TMEM8B: variants seen among roughly 807,000 people sequenced by gnomAD.
The protein encoded by TMEM8B is transmembrane protein 8B.
A neutral mutation model predicts 49.3 loss-of-function variants in TMEM8B; 29 were observed. That is an observed-to-expected ratio of 0.59 (90% CI 0.44 to 0.80). The LOEUF (loss-of-function observed/expected upper bound fraction) is 0.80, where lower values mean the gene tolerates loss of function less well. Among genes scored for constraint, TMEM8B ranks in the 30% least tolerant of loss-of-function variants. TMEM8B has a pLI of 0.00. For missense variants in TMEM8B, 575 were observed against 658.5 expected (o/e 0.87, Z 1.39); for synonymous variants, 264 against 272.8 (o/e 0.97, Z 0.32).
chr9:35,842,326 T>G lies in TMEM8B; in HGVS notation c.1310-66T>G. 1 of 1,215,514 alleles carries G rather than the reference T, an allele frequency of 8.2e-7. No individual in the cohort carries two copies. Among genetic ancestry groups the G allele is most frequent in the Non-Finnish European group, 1.1e-6 (1 of 894,506 alleles). 75.3% of individuals were successfully genotyped at this position (1,215,514 alleles called of 1,614,324 possible). A position where few individuals can be genotyped will look rare whatever the true frequency, so the allele number is the denominator to read the frequency against. On this transcript the variant is annotated intron_variant, in intron 5 of 12. Coordinates refer to ENST00000643932, the MANE Select transcript of TMEM8B (RefSeq NM_001042590.4). This position sits in a 1 kb window ranked among gnomAD's most constrained non-coding sequence, Gnocchi z 5.6. The stretch of plus-strand genomic sequence containing the variant: ...TGCGAAATCCTGTCTAGCTCAGATG[T>G]GTTTATGAGTAAGTTCAGGACTGTA...
chr9:35,859,464 TTGA>T lies in TMEM8B; in HGVS notation c.*5628_*5630del, dbSNP rs1832612246. ...CACTGCCAAGATCTCATAGAAGTAG[TTGA>T]TGACGTGGCCACAGAAGGGGAGGTG... is the stretch of plus-strand genomic sequence containing the variant. On this transcript the variant is annotated 3_prime_UTR_variant, in exon 13 of 13. Transcript: ENST00000643932. 6.5e-6 allele frequency: 1 copy of T among 153,400 alleles called. No homozygotes were observed. Among genetic ancestry groups the T allele is most frequent in the African/African-American group, 2.4e-5 (1 of 41,452 alleles). 9.5% of individuals were successfully genotyped at this position (153,400 alleles called of 1,614,324 possible). A position where few individuals can be genotyped will look rare whatever the true frequency, so the allele number is the denominator to read the frequency against.
At chr9:35,840,862 C>G (rs1270446034) in intron 3 of TMEM8B, among the ~76,000 whole-genome samples, 2 of 152,108 alleles carry the variant, frequency 1.3e-5, no homozygotes, top group Non-Finnish European at 2.9e-5. Context: ...CAAGCCAGGC[C>G]TGATTGTCAG....
At position 35,859,426 on chromosome 9, in the gene TMEM8B, A is replaced by G. The variant is rs916810002; in HGVS notation, c.*5586A>G. The G allele has an allele frequency of 3.3e-5, 5 of 153,098 alleles. No homozygotes were observed. The highest frequency in any genetic ancestry group is 6.5e-5 in the Admixed American group (1 of 15,284). 9.5% of individuals were successfully genotyped at this position (153,098 alleles called of 1,614,324 possible). On this transcript the variant is annotated 3_prime_UTR_variant, in exon 13 of 13. Transcript: ENST00000643932. ...AGCGCATTGAGGGAGATGTCCCCAC[A>G]GGCCAGTTTTAGCACTGCCAAGATC... is the stretch of plus-strand genomic sequence containing the variant.
In TMEM8B at chr9:35,860,653, CCATT is replaced by C. The variant is rs66822942; in HGVS notation, c.*6818_*6821del. 123,398 of 151,722 alleles carry C rather than the reference CCATT, an allele frequency of 0.81. 51,823 individuals carry two copies. Among genetic ancestry groups the C allele is most frequent in the Middle Eastern group, 0.94 (275 of 292 alleles). 9.4% of individuals were successfully genotyped at this position (151,722 alleles called of 1,614,324 possible). On this transcript the variant is annotated 3_prime_UTR_variant, in exon 13 of 13. Transcript: ENST00000643932. Reference sequence around the variant, plus strand: ...TCATCTCTCCTTAAGGAATCATGGACCATTCATTATTTTGTTTAAAAGGACACAT... The same window carrying C: ...TCATCTCTCCTTAAGGAATCATGGACCATTATTTTGTTTAAAAGGACACAT...
intron 1 of TMEM8B, chr9:35,833,204 G>T: frequency 2.3e-6 from 1 of 433,322 alleles, no homozygotes; most frequent in Non-Finnish European, 3.1e-6. Context: ...TCTCCAGAGA[G>T]GGAGATGATT....
At position 35,839,561 on chromosome 9, in the gene TMEM8B, T is replaced by G. The variant is rs114582726; in HGVS notation, c.907-1573T>G. On this transcript the variant is annotated intron_variant, in intron 3 of 12. Coordinates refer to ENST00000643932, the MANE Select transcript of TMEM8B (RefSeq NM_001042590.4). ...AAGGAGCACGTCTTAACCAAACAGG[T>G]CATGTCCACTGATCTTTCATTGAAT... Among the ~76,000 whole-genome samples the G allele has an allele frequency of 5.1e-3, 780 of 152,286 alleles. 7 individuals carry two copies. The highest frequency in any genetic ancestry group is 0.017 in the African/African-American group (718 of 41,564).
intron 9 of TMEM8B, 25 bp from the exon 10 acceptor site, chr9:35,846,792 C>G: frequency 6.2e-7 from 1 of 1,602,414 alleles, no homozygotes; most frequent in Non-Finnish European, 8.5e-7. Context: ...TGTTCTCTTC[C>G]ATTCTGTGCC....
At chr9:35,835,258 C>T (rs1029370673) in intron 3 of TMEM8B, 40 bp downstream of exon 3, 4 of 414,080 alleles carry the variant, frequency 9.7e-6, no homozygotes, top group African/African-American at 2.1e-5. Context: ...CCAGAACTGC[C>T]CTTCCATCTC....
intron 3 of TMEM8B, among the ~76,000 whole-genome samples, chr9:35,837,462 G>A (rs1468713155): frequency 2.0e-5 from 3 of 152,162 alleles, no homozygotes; most frequent in African/African-American, 7.2e-5. Flanking sequence ...GGAGTAGCAT[G>A]GCCCAAAGTT....
At chr9:35,833,003 A>G (rs1265760051) in intron 1 of TMEM8B, among the ~76,000 whole-genome samples, 1 of 152,056 alleles carries the variant, frequency 6.6e-6, no homozygotes, top group Non-Finnish European at 1.5e-5. Flanking sequence ...GTTGAGACTG[A>G]TCATGTGGTC....
Position 35,846,891 on chromosome 9 carries a change from C to T in TMEM8B, c.2071C>T (p.Leu691Phe). Residue 691 changes from leucine (L) to phenylalanine (F), a missense_variant, in exon 10 of 13, where the codon CTC (leucine) becomes TTC (phenylalanine). By Grantham distance (22) the Leu-to-Phe change is conservative. Transcript: ENST00000643932. ...ATTCCAGCTGCTGTCCACACTCCTG[C>T]TCTGCCTGAGCAACCTCATGTTTCT... Reference protein sequence around the residue: ...YGFQLLSTLLLCLSNLMFLPP... With the variant: ...YGFQLLSTLLFCLSNLMFLPP... The T allele has an allele frequency of 6.2e-7, 1 of 1,614,272 alleles. No individual in the cohort carries two copies. Among genetic ancestry groups the T allele is most frequent in the Non-Finnish European group, 8.5e-7 (1 of 1,180,052 alleles).
rs1171292996 is a variant in TMEM8B, at chr9:35,865,160, G to A, written c.*11320G>A. The A allele has an allele frequency of 1.3e-5, 2 of 152,220 alleles. No individual in the cohort carries two copies. The highest frequency in any genetic ancestry group is 1.9e-4 in the East Asian group (1 of 5,196). 9.4% of individuals were successfully genotyped at this position (152,220 alleles called of 1,614,324 possible). ...ACAGAGAATCTGAATACTGGGTCAC[G>A]TTGCAGTTCTGCGCCTTGGATGCCA... On this transcript the variant is annotated 3_prime_UTR_variant, in exon 13 of 13. Transcript: ENST00000643932.
intron 3 of TMEM8B, among the ~76,000 whole-genome samples, chr9:35,840,734 T>TAA (rs2132288530): frequency 6.6e-6 from 1 of 152,244 alleles, no homozygotes; most frequent in African/African-American, 2.4e-5. Flanking sequence ...CCACTTTGCC[T>TAA]AAAAGAGCCA....
chr9:35,845,748 G>A (rs1227631262), intron 6 of TMEM8B: 1 of 985,428 alleles, frequency 1.0e-6, no homozygotes, highest in Non-Finnish European at 1.2e-6. Flanking sequence ...TCAAAATTGG[G>A]CCTTGCCGTC....
At chr9:35,839,743 C>T (rs1030259294) in intron 3 of TMEM8B, among the ~76,000 whole-genome samples, 2 of 152,104 alleles carry the variant, frequency 1.3e-5, no homozygotes, top group African/African-American at 4.8e-5. Flanking sequence ...GAGGTGGGGT[C>T]AGTGCAGTGA....
Position 35,857,777 on chromosome 9 carries a change from G to A in TMEM8B, c.*3937G>A, listed in dbSNP as rs374914851. The A allele has an allele frequency of 2.0e-5, 3 of 152,256 alleles. No homozygotes were observed. The highest frequency in any genetic ancestry group is 4.8e-5 in the African/African-American group (2 of 41,462). 9.4% of individuals were successfully genotyped at this position (152,256 alleles called of 1,614,324 possible). A position where few individuals can be genotyped will look rare whatever the true frequency, so the allele number is the denominator to read the frequency against. Reference sequence around the variant, plus strand: ...TGCAAAACTGTTACTTCTGCATTTGGTGTTGGGCCTGAAGCTGTTACAGCT... The same window carrying A: ...TGCAAAACTGTTACTTCTGCATTTGATGTTGGGCCTGAAGCTGTTACAGCT... On this transcript the variant is annotated 3_prime_UTR_variant, in exon 13 of 13. Transcript: ENST00000643932.
intron 6 of TMEM8B, among the ~76,000 whole-genome samples, chr9:35,844,768 GCC>G (rs1831356341): frequency 1.3e-5 from 2 of 152,160 alleles, no homozygotes; most frequent in African/African-American, 4.8e-5. Flanking sequence ...CCCTCCTGCA[GCC>G]CCTCACCCTT....
At chr9:35,851,218 C>T (rs1232152245) in intron 10 of TMEM8B, among the ~76,000 whole-genome samples, 2 of 152,120 alleles carry the variant, frequency 1.3e-5, no homozygotes, top group Non-Finnish European at 2.9e-5. Flanking sequence ...AGCAATCCTC[C>T]CACCTCAGCC....
rs1832681223 is a variant in TMEM8B at position 35,863,340 on chromosome 9, A to C, written c.*9500A>C. The C allele has an allele frequency of 6.6e-6, 1 of 152,204 alleles. No homozygotes were observed. Among genetic ancestry groups the C allele is most frequent in the Admixed American group, 6.5e-5 (1 of 15,280 alleles). 9.4% of individuals were successfully genotyped at this position (152,204 alleles called of 1,614,324 possible). A position where few individuals can be genotyped will look rare whatever the true frequency, so the allele number is the denominator to read the frequency against. On this transcript the variant is annotated 3_prime_UTR_variant, in exon 13 of 13. Transcript: ENST00000643932. ...CTTTCTGAAGAGCTACATCAGTAAC[A>C]TGGTGGGTTTTCCTCACAACTTAAA...
Sources: gnomAD v4.1 joint callset for allele counts (sites outside exome capture counted in the v4.1 genomes callset) on GRCh38, gnomAD v4.1.1 for gene constraint, Gnocchi (gnomAD v3.1) non-coding constraint, MANE v1.5 for transcripts, NCBI Gene and HGNC (gene_info 2026-07-23, HGNC 2026-07-21) for gene names.